RASSF3: variants seen among roughly 807,000 people sequenced by gnomAD.
RASSF3 encodes the protein ras association domain-containing protein 3.
Under a neutral mutation model 19.9 loss-of-function variants are expected in RASSF3, and 19 were observed. That is an observed-to-expected ratio of 0.96 (90% CI 0.67 to 1.40). The LOEUF is 1.40. Ranked by LOEUF, RASSF3 falls within the 40% of genes most tolerant of loss-of-function variation. The pLI is 0.00. For synonymous variants in RASSF3, 110 were observed against 104.2 expected, an observed-to-expected ratio of 1.06 and a Z score of -0.34; for missense variants, 306 against 289.8, an observed-to-expected ratio of 1.06 and a Z score of -0.41.
chr12:64,653,277 A>C (rs1872029602), intron 1 of RASSF3, among the ~76,000 whole-genome samples: 1 of 152,102 alleles, frequency 6.6e-6, no homozygotes, highest in Non-Finnish European at 1.5e-5. Context: ...TGGGGATCTC[A>C]CTGTATTGCC....
chr12:64,528,330 G>C (rs780234973), upstream of RASSF3, among the ~76,000 whole-genome samples: 4 of 152,180 alleles, frequency 2.6e-5, no homozygotes, highest in Admixed American at 6.5e-5. Flanking sequence ...TCAAAATGTT[G>C]ATTTTAGGTA....
upstream of RASSF3, among the ~76,000 whole-genome samples, chr12:64,607,458 C>T (rs1223000687): frequency 1.3e-5 from 2 of 152,048 alleles, no homozygotes; most frequent in Non-Finnish European, 2.9e-5. Flanking sequence ...CAACCTCTGC[C>T]TCCAGGGCTC....
At chr12:64,691,197 C>CTA (rs1178791137) in intron 3 of RASSF3, among the ~76,000 whole-genome samples, 7 of 152,198 alleles carry the variant, frequency 4.6e-5, no homozygotes, top group Admixed American at 2.6e-4. Flanking sequence ...GCAGAGCTAA[C>CTA]TATAAGCATA....
intron 2 of RASSF3, among the ~76,000 whole-genome samples, chr12:64,584,879 CT>C (rs34522445): frequency 9.4e-4 from 76 of 80,818 alleles, no homozygotes; most frequent in African/African-American, 2.0e-3. Flanking sequence ...CAGAAGGATT[CT>C]TTTTTTTTTT....
chr12:64,553,006 C>T (rs1046228694), intron 2 of RASSF3, among the ~76,000 whole-genome samples: 6 of 152,004 alleles, frequency 3.9e-5, no homozygotes, highest in African/African-American at 9.7e-5. Context: ...GTCAGGAGAT[C>T]GAGACCAGCC....
chr12:64,546,962 G>T (rs1184122256), intron 2 of RASSF3, among the ~76,000 whole-genome samples: 1 of 152,128 alleles, frequency 6.6e-6, no homozygotes, highest in Non-Finnish European at 1.5e-5. Flanking sequence ...CCCACTTTTT[G>T]ATATGGAGAG....
intron 1 of RASSF3, among the ~76,000 whole-genome samples, chr12:64,650,339 C>A (rs1388214563): frequency 6.6e-6 from 1 of 151,388 alleles, no homozygotes; most frequent in African/African-American, 2.4e-5. Context: ...TTGATAGGAC[C>A]TTTGTGCTGT....
intron 1 of RASSF3, among the ~76,000 whole-genome samples, chr12:64,669,321 CA>C (rs745803438): frequency 7.1e-4 from 108 of 152,178 alleles, no homozygotes; most frequent in Admixed American, 1.1e-3. Flanking sequence ...GGGATTGTCC[CA>C]GAATGTGTGA....
At chr12:64,562,830 G>T (rs1482792877) in intron 2 of RASSF3, among the ~76,000 whole-genome samples, 1 of 152,034 alleles carries the variant, frequency 6.6e-6, no homozygotes, top group Non-Finnish European at 1.5e-5. Flanking sequence ...GTCTCACTTT[G>T]TTCCCCATGC....
intron 2 of RASSF3, among the ~76,000 whole-genome samples, chr12:64,581,911 A>C (rs1869708200): frequency 6.7e-6 from 1 of 149,952 alleles, no homozygotes; most frequent in African/African-American, 2.5e-5. Flanking sequence ...TCTGGTGTTC[A>C]GGCTGGAGTG....
chr12:64,610,974 T>A (rs1000854573), intron 1 of RASSF3, among the ~76,000 whole-genome samples: 2 of 152,108 alleles, frequency 1.3e-5, no homozygotes, highest in African/African-American at 4.8e-5. Context: ...GAGGGCCGGC[T>A]TCTGCCTTCC....
chr12:64,598,653 A>C (rs1026957062), intron 2 of RASSF3, among the ~76,000 whole-genome samples: 2 of 152,220 alleles, frequency 1.3e-5, no homozygotes, highest in African/African-American at 4.8e-5. Flanking sequence ...TTTATTAAGA[A>C]GGCTCAATTT....
At chr12:64,560,996 A>AAGAATGAGTCTGTATTAGTAC in intron 2 of RASSF3, among the ~76,000 whole-genome samples, 1 of 151,136 alleles carries the variant, frequency 6.6e-6, no homozygotes, top group East Asian at 1.9e-4. Context: ...TGTATTAGTA[A>AAGAATGAGTCTGTATTAGTAC]AGAATGAGTC....
chr12:64,617,114 A>G (rs1870579542), intron 1 of RASSF3, among the ~76,000 whole-genome samples: 1 of 152,190 alleles, frequency 6.6e-6, no homozygotes, highest in African/African-American at 2.4e-5. Context: ...TGGTACTGTT[A>G]GTTTTCCTTT....
chr12:64,616,710 A>C (rs1198907418), intron 1 of RASSF3, among the ~76,000 whole-genome samples: 2 of 152,174 alleles, frequency 1.3e-5, no homozygotes, highest in African/African-American at 4.8e-5. Context: ...CTGTTTGAAG[A>C]GCTACACACA....
intron 1 of RASSF3, among the ~76,000 whole-genome samples, chr12:64,520,553 C>CATAT (rs1287781762): frequency 1.0e-3 from 31 of 30,468 alleles, no homozygotes; most frequent in South Asian, 5.9e-3. Context: ...CACACATACA[C>CATAT]ACATATATAT....
At chr12:64,545,920 C>G (rs1869045080), downstream of RASSF3, among the ~76,000 whole-genome samples, 1 of 151,786 alleles carries the variant, frequency 6.6e-6, no homozygotes, top group Admixed American at 6.6e-5. Context: ...ACAGTGAAAC[C>G]CCGTCTCTAC....
chr12:64,578,329 C>G (rs1869631445), intron 2 of RASSF3, among the ~76,000 whole-genome samples: 1 of 151,978 alleles, frequency 6.6e-6, no homozygotes, highest in African/African-American at 2.4e-5. Flanking sequence ...AACGACATCC[C>G]CAGGGAGGCA....
At position 64,685,023 on chromosome 12, in the gene RASSF3, C is replaced by T. The variant is rs149765876; in HGVS notation, c.219+129C>T. 1.3e-4 allele frequency: 73 copies of T among 577,092 alleles called. No individual in the cohort carries two copies. The East Asian group carries it at 2.1e-3, about 17-fold the overall frequency. 35.7% of individuals were successfully genotyped at this position (577,092 alleles called of 1,614,324 possible). ...AGTGTAGTAGTCAAGGTATACAGAA[C>T]AGGAAAGTGGAATATTTCTGTGGCT... On this transcript the variant is annotated intron_variant, in intron 2 of 4. Coordinates refer to ENST00000542104, the MANE Select transcript of RASSF3 (RefSeq NM_178169.4).
Sources: gnomAD v4.1 joint callset for allele counts (sites outside exome capture counted in the v4.1 genomes callset) on GRCh38, gnomAD v4.1.1 for gene constraint, MANE v1.5 for transcripts, NCBI Gene and HGNC (gene_info 2026-07-23, HGNC 2026-07-21) for gene names.